Variants in C1GALT1 observed in about 807,000 individuals in gnomAD.
C1GALT1 encodes glycoprotein-N-acetylgalactosamine 3-beta-galactosyltransferase 1.
A neutral mutation model predicts 31.0 loss-of-function variants in C1GALT1; 11 were observed. The observed-to-expected ratio is 0.36, with a 90% CI of 0.22 to 0.59. The LOEUF (loss-of-function observed/expected upper bound fraction) is 0.59, where lower values mean the gene tolerates loss of function less well. C1GALT1 is among the 20% of genes least tolerant of loss of function. The pLI, the probability that C1GALT1 is intolerant of heterozygous loss-of-function variation, is 0.79. For missense variants in C1GALT1, 424 were observed against 425.2 expected, an observed-to-expected ratio of 1.00 and a Z score of 0.03; for synonymous variants, 175 against 143.6, an observed-to-expected ratio of 1.22 and a Z score of -1.56.
chr7:7,223,269 C>T (rs1002488435), intron 1 of C1GALT1, among the ~76,000 whole-genome samples: 2 of 152,158 alleles, frequency 1.3e-5, no homozygotes, highest in Non-Finnish European at 2.9e-5. Context: ...AGCAATTCTC[C>T]TGCTTCAACC....
chr7:7,175,575 A>C (rs918872789), intron 2 of C1GALT1, among the ~76,000 whole-genome samples: 3 of 152,228 alleles, frequency 2.0e-5, no homozygotes, highest in African/African-American at 4.8e-5. Context: ...TAGGGTTATT[A>C]CTTCAGTTTG....
chr7:7,223,393 C>T (rs1782600949), intron 1 of C1GALT1, among the ~76,000 whole-genome samples: 1 of 152,146 alleles, frequency 6.6e-6, no homozygotes, highest in Admixed American at 6.5e-5. Context: ...GAACTCCTGA[C>T]CTCAAGAGAT....
chr7:7,192,512 G>T (rs1781118746), intron 1 of C1GALT1, among the ~76,000 whole-genome samples: 1 of 151,976 alleles, frequency 6.6e-6, no homozygotes, highest in African/African-American at 2.4e-5. Context: ...TGGTGTGTGT[G>T]TGTGTATATT....
chr7:7,170,592 G>C (rs549286516), intron 2 of C1GALT1, among the ~76,000 whole-genome samples: 2 of 152,286 alleles, frequency 1.3e-5, no homozygotes, highest in African/African-American at 4.8e-5. Flanking sequence ...AGACCAGCCT[G>C]GCCAACATGG....
At chr7:7,169,650 A>G (rs995784338) in intron 2 of C1GALT1, among the ~76,000 whole-genome samples, 1 of 151,984 alleles carries the variant, frequency 6.6e-6, no homozygotes. Context: ...ACATCTTTTC[A>G]TGTGCTTATT....
intron 1 of C1GALT1, among the ~76,000 whole-genome samples, chr7:7,186,325 G>C (rs1318762739): frequency 6.6e-6 from 1 of 152,180 alleles, no homozygotes; most frequent in African/African-American, 2.4e-5. Context: ...ACCACAGCAA[G>C]TGCTTACTAT....
upstream of C1GALT1, among the ~76,000 whole-genome samples, chr7:7,181,278 G>A (rs1562555802): frequency 3.5e-5 from 3 of 86,670 alleles, no homozygotes; most frequent in Middle Eastern, 6.3e-3. Context: ...GGAGGGGGAG[G>A]AGGCTGAGCA....
intron 1 of C1GALT1, among the ~76,000 whole-genome samples, chr7:7,204,691 A>G (rs1397624082): frequency 6.6e-6 from 1 of 152,148 alleles, no homozygotes; most frequent in Non-Finnish European, 1.5e-5. Flanking sequence ...GTTAATAACT[A>G]TAAATGTCTT....
At chr7:7,189,996 C>T (rs184073536) in intron 1 of C1GALT1, among the ~76,000 whole-genome samples, 4,997 of 151,786 alleles carry the variant, frequency 0.033, 183 homozygotes, top group African/African-American at 0.092. Flanking sequence ...TTTTTGTTTT[C>T]CATAGAGTCT....
intron 1 of C1GALT1, among the ~76,000 whole-genome samples, chr7:7,192,624 A>G (rs189195851): frequency 2.2e-4 from 34 of 152,102 alleles, no homozygotes; most frequent in Admixed American, 2.2e-3. Context: ...TGTGTGTTCA[A>G]GTGTGTTTTT....
intron 1 of C1GALT1, among the ~76,000 whole-genome samples, chr7:7,189,540 T>C (rs75365404): frequency 0.034 from 5,185 of 152,208 alleles, 194 homozygotes; most frequent in African/African-American, 0.095. Context: ...CATTTTTTAC[T>C]GTGAATCTTT....
chr7:7,180,910 C>CAA (rs34390245), upstream of C1GALT1, among the ~76,000 whole-genome samples: 47,434 of 127,210 alleles, frequency 0.37, 8,947 homozygotes, highest in East Asian at 0.72. Context: ...CATATCTCTT[C>CAA]AAAAAAAAAA....
chr7:7,162,578 A>G (rs1330170586), intron 2 of C1GALT1, among the ~76,000 whole-genome samples: 340 of 151,910 alleles, frequency 2.2e-3, no homozygotes, highest in African/African-American at 7.8e-3. Flanking sequence ...ATAAACATAC[A>G]TGTGCATGTG....
intron 1 of C1GALT1, among the ~76,000 whole-genome samples, chr7:7,192,038 T>C (rs751099325): frequency 6.6e-6 from 1 of 152,122 alleles, no homozygotes; most frequent in Non-Finnish European, 1.5e-5. Flanking sequence ...CAAGAAATCA[T>C]TGCCAAATAT....
chr7:7,199,705 T>G (rs983897208), intron 1 of C1GALT1, among the ~76,000 whole-genome samples: 7 of 152,260 alleles, frequency 4.6e-5, no homozygotes, highest in Non-Finnish European at 7.3e-5. Context: ...AAGGACTTGC[T>G]TTGTGAATCT....
intron 1 of C1GALT1, among the ~76,000 whole-genome samples, chr7:7,198,097 A>C (rs1451727773): frequency 5.9e-5 from 9 of 152,232 alleles, no homozygotes; most frequent in Admixed American, 1.3e-4. Context: ...GAGGGAGGGC[A>C]TCCCTGTCTT....
chr7:7,232,127 G>T (rs923896065), intron 1 of C1GALT1, among the ~76,000 whole-genome samples: 9 of 152,174 alleles, frequency 5.9e-5, no homozygotes, highest in Non-Finnish European at 1.0e-4. Flanking sequence ...CAGATGTCTG[G>T]TCTGCCTCTT....
chr7:7,183,708 A>G, intron 1 of C1GALT1: 1 of 610,782 alleles, frequency 1.6e-6, no homozygotes, highest in Non-Finnish European at 2.0e-6. Flanking sequence ...AAACAACAGT[A>G]TCAGCAACAA....
At chr7:7,170,272 G>C (rs1048631222) in intron 2 of C1GALT1, among the ~76,000 whole-genome samples, 1 of 152,004 alleles carries the variant, frequency 6.6e-6, no homozygotes, top group Non-Finnish European at 1.5e-5. Flanking sequence ...TGTTTATTCT[G>C]TTTTATTGAT....
Sources: allele counts gnomAD v4.1 joint callset (sites outside exome capture counted in the v4.1 genomes callset), GRCh38; gene constraint gnomAD v4.1.1; transcripts MANE v1.5; gene names NCBI Gene and HGNC (gene_info 2026-07-23, HGNC 2026-07-21).